KMT2A: variants seen among roughly 807,000 people sequenced by gnomAD.
KMT2A encodes histone-lysine N-methyltransferase 2A.
Under a neutral mutation model 345.3 loss-of-function variants are expected in KMT2A, and 16 were observed. That is an observed-to-expected ratio of 0.05 (90% CI 0.03 to 0.07). The LOEUF (loss-of-function observed/expected upper bound fraction) is 0.07, where lower values mean the gene tolerates loss of function less well. KMT2A is among the 10% of genes least tolerant of loss of function. The probability of loss-of-function intolerance (pLI) is 1.00; values close to 1 mark genes in which losing one functional copy is unlikely to be tolerated. For synonymous variants in KMT2A, 1,599 were observed against 1,778.6 expected (o/e 0.90, Z 2.54); for missense variants, 3,272 against 4,841.6 (o/e 0.68, Z 9.62).
Position 118,483,503 on chromosome 11 carries a change from A to G in KMT2A, c.4087-680A>G, listed in dbSNP as rs189627778. Among the ~76,000 whole-genome samples the G allele has an allele frequency of 2.7e-3, 415 of 152,308 alleles. 4 individuals are homozygous for G. Among genetic ancestry groups the G allele is most frequent in the African/African-American group, 9.3e-3 (387 of 41,576 alleles). On this transcript the variant is annotated intron_variant, in intron 8 of 35. Coordinates refer to ENST00000534358, the MANE Select transcript of KMT2A (RefSeq NM_001197104.2). ...AGCCGAGATCGCGCCACTGCACTCC[A>G]GCTTGGGTGACACCGAGACTCCGTC...
At position 118,524,698 on chromosome 11, in the gene KMT2A, ATTTTT is replaced by A. The variant is rs566548407; in HGVS notation, c.*2530_*2534del. ...TTTTTTTGTAAATCCTTGTATTCCT[ATTTTT>A]TTTAAAGAAAAAAAAAAAACCTTAA... is the stretch of plus-strand genomic sequence containing the variant. On this transcript the variant is annotated 3_prime_UTR_variant, in exon 36 of 36. Transcript: ENST00000534358. 9.3e-4 allele frequency: 159 copies of A among 171,860 alleles called. 1 individual carries two copies. The highest frequency in any genetic ancestry group is 1.6e-3 in the Non-Finnish European group (131 of 81,120). 10.6% of individuals were successfully genotyped at this position (171,860 alleles called of 1,614,324 possible).
chr11:118,436,928 G>T lies in KMT2A; in HGVS notation c.416G>T (p.Gly139Val). The change falls in exon 1 of 36, where the codon GGA becomes GTA. Residue 139 changes from glycine (G) to valine (V), a missense_variant. Transcript: ENST00000534358. This position sits in a 1 kb window ranked among gnomAD's most constrained non-coding sequence, Gnocchi z 6.9. ...FRAVFGESGG[G>V]GGSGEDEQFL... ...GCCGTGTTTGGGGAGAGCGGCGGGG[G>T]AGGCGGCAGCGGAGAGGTAAGGGGG... The T allele has an allele frequency of 6.5e-7, 1 of 1,546,318 alleles. No homozygotes were observed. Among genetic ancestry groups the T allele is most frequent in the African/African-American group, 1.4e-5 (1 of 72,440 alleles).
chr11:118,472,151 G>C lies in KMT2A; in HGVS notation c.992G>C (p.Arg331Pro), dbSNP rs148514018. 7.4e-6 allele frequency: 12 copies of C among 1,613,852 alleles called. No individual in the cohort carries two copies. The highest frequency in any genetic ancestry group is 1.0e-5 in the Non-Finnish European group (12 of 1,180,006). The change falls in exon 3 of 36, where the codon CGG becomes CCG. Residue 331 changes from arginine (R) to proline (P), a missense_variant. Around this residue, in one of 27 missense-constraint regions of KMT2A, gnomAD observed 412 missense variants for 511.0 expected, o/e 0.81. Coordinates refer to ENST00000534358, the MANE Select transcript of KMT2A (RefSeq NM_001197104.2). ...GAACTGGAAAAGCCCCAGAAAGTCC[G>C]GAAAGACAAGGAAGGAACACCTCCA... is the stretch of plus-strand genomic sequence containing the variant. ...NSELEKPQKV[R>P]KDKEGTPPLT...
At position 118,502,908 on chromosome 11, in the gene KMT2A, A is replaced by G; in HGVS notation, c.7016A>G (p.His2339Arg). The change falls in exon 27 of 36, where the codon CAT becomes CGT. Residue 2339 changes from histidine to arginine, a missense_variant. His to Arg is a conservative substitution (Grantham distance 29). Transcript: ENST00000534358. This position sits in a 1 kb window ranked among gnomAD's most constrained non-coding sequence, Gnocchi z 4.9. ...ATTCCTAAACTGGCCCCACAGGTTC[A>G]TAACACAACATCTAGAGAACTGAAT... Reference protein sequence around the residue: ...PGIPKLAPQVHNTTSRELNVS... With the variant: ...PGIPKLAPQVRNTTSRELNVS... 3 of 1,614,210 alleles carry G rather than the reference A, an allele frequency of 1.9e-6. No individual in the cohort carries two copies. Among genetic ancestry groups the G allele is most frequent in the Non-Finnish European group, 2.5e-6 (3 of 1,180,034 alleles).
In KMT2A at chr11:118,478,352, G is replaced by A. The variant is rs146486605; in HGVS notation, c.3569+151G>A. The A allele has an allele frequency of 5.0e-3, 3,110 of 627,926 alleles. 12 individuals carry two copies. The highest frequency in any genetic ancestry group is 6.8e-3 in the Non-Finnish European group (2,451 of 359,870). 38.9% of individuals were successfully genotyped at this position (627,926 alleles called of 1,614,324 possible). A position where few individuals can be genotyped will look rare whatever the true frequency, so the allele number is the denominator to read the frequency against. On this transcript the variant is annotated intron_variant, in intron 5 of 35. Coordinates refer to ENST00000534358, the MANE Select transcript of KMT2A (RefSeq NM_001197104.2). ...ACAGTTAGATTTTGTGGTGTGGGCT[G>A]TGCTTAAATAAGAAATACTCTGGGG...
At chr11:118,443,499 A>G (rs151249834) in intron 1 of KMT2A, among the ~76,000 whole-genome samples, 176 of 152,330 alleles carry the variant, frequency 1.2e-3, no homozygotes, top group Admixed American at 3.6e-3. Flanking sequence ...TGAAAGAAGA[A>G]TTTTGTTACG....
chr11:118,512,105 G>GAA, intron 31 of KMT2A, 80 bp downstream of exon 31: 1 of 1,324,002 alleles, frequency 7.6e-7, no homozygotes, highest in Non-Finnish European at 1.1e-6. Context: ...TTGATTCTGT[G>GAA]AAAAAAAAAT....
intron 1 of KMT2A, chr11:118,448,174 TAAAC>T (rs1175876997): frequency 3.3e-5 from 5 of 152,446 alleles, no homozygotes; most frequent in African/African-American, 1.2e-4. Flanking sequence ...AGAGAAATCT[TAAAC>T]ATCAAGAGAA....
chr11:118,488,423 T>C (rs1342504320), intron 10 of KMT2A, 191 bp from the exon 11 acceptor site: 2 of 662,108 alleles, frequency 3.0e-6, no homozygotes, highest in Admixed American at 4.4e-5. Flanking sequence ...GTATTACCAC[T>C]TTAGTACTCT....
chr11:118,497,471 C>T lies in KMT2A; in HGVS notation c.5665-465C>T, dbSNP rs9332825. 9.1e-4 allele frequency among the ~76,000 whole-genome samples: 138 copies of T among 152,320 alleles called. 1 individual carries two copies. The Middle Eastern group carries it at 0.01, about 11-fold the overall frequency. On this transcript the variant is annotated intron_variant, in intron 20 of 35. Coordinates refer to ENST00000534358, the MANE Select transcript of KMT2A (RefSeq NM_001197104.2). This position sits in a 1 kb window ranked among gnomAD's most constrained non-coding sequence, Gnocchi z 4.8. ...AGTACAGTGGCATGCTTTTGGCTCA[C>T]TGCAATCTCGGCTTCCGGGGCTCAA...
At chr11:118,441,518 T>C (rs1479621463) in intron 1 of KMT2A, among the ~76,000 whole-genome samples, 1 of 152,172 alleles carries the variant, frequency 6.6e-6, no homozygotes, top group Non-Finnish European at 1.5e-5. Flanking sequence ...GTTGTCATTG[T>C]TGTGAATTCC....
Position 118,472,989 on chromosome 11 carries a change from T to G in KMT2A, c.1830T>G (p.Ser610=). ...STAPMQGKRK[S]ILREPTFRWT... is the part of the protein sequence containing the mutation. The stretch of plus-strand genomic sequence containing the variant: ...CTCCTATGCAAGGGAAGCGAAAATC[T>G]ATTTTGCGAGAACCGACATTTAGGT... The change falls in exon 3 of 36, where the codon TCT becomes TCG. Residue 610 remains serine, a synonymous_variant. Coordinates refer to ENST00000534358, the MANE Select transcript of KMT2A (RefSeq NM_001197104.2). 1.2e-6 allele frequency: 2 copies of G among 1,614,178 alleles called. No individual in the cohort carries two copies. Among genetic ancestry groups the G allele is most frequent in the Non-Finnish European group, 1.7e-6 (2 of 1,180,034 alleles).
intron 1 of KMT2A, among the ~76,000 whole-genome samples, chr11:118,459,848 G>A (rs1398633923): frequency 2.1e-5 from 3 of 141,416 alleles, no homozygotes; most frequent in Non-Finnish European, 3.0e-5. Context: ...TACCACGCCC[G>A]GCTAATTTTT....
chr11:118,511,918 T>G, intron 30 of KMT2A, 33 bp from the exon 31 acceptor site: 2 of 1,583,564 alleles, frequency 1.3e-6, no homozygotes, highest in Non-Finnish European at 1.7e-6. Flanking sequence ...GTGCATATTT[T>G]CTGGCTTACG....
intron 1 of KMT2A, among the ~76,000 whole-genome samples, chr11:118,446,489 C>G (rs1246550156): frequency 1.3e-5 from 2 of 152,178 alleles, no homozygotes; most frequent in Admixed American, 1.3e-4. Flanking sequence ...AGTGGCAGGG[C>G]TAGAATTTAA....
intron 1 of KMT2A, among the ~76,000 whole-genome samples, chr11:118,442,181 T>G (rs1334691944): frequency 6.6e-6 from 1 of 152,230 alleles, no homozygotes; most frequent in Non-Finnish European, 1.5e-5. Context: ...ATATCTTGTC[T>G]CTTTCCATTC....
In KMT2A at chr11:118,502,463, C is replaced by A. The variant is rs200497972; in HGVS notation, c.6571C>A (p.Arg2191=). 1.3e-4 allele frequency: 217 copies of A among 1,613,794 alleles called. No homozygotes were observed. The highest frequency in any genetic ancestry group is 1.7e-4 in the Non-Finnish European group (203 of 1,179,892). ...TGATCCTTTACTCTCCTCTGGACTT[C>A]GAAGCATTGGCTCCAGGCGTCACAG... The part of the protein sequence containing the change: ...VGDPLLSSGL[R]SIGSRRHSTS... Residue 2191 remains arginine, a synonymous_variant, in exon 27 of 36, where the codon CGA becomes AGA. Coordinates refer to ENST00000534358, the MANE Select transcript of KMT2A (RefSeq NM_001197104.2). This position sits in a 1 kb window ranked among gnomAD's most constrained non-coding sequence, Gnocchi z 4.9.
chr11:118,504,720 C>A lies in KMT2A; in HGVS notation c.8828C>A (p.Thr2943Asn). 6.2e-7 allele frequency: 1 copy of A among 1,614,172 alleles called. No homozygotes were observed. Among genetic ancestry groups the A allele is most frequent in the Non-Finnish European group, 8.5e-7 (1 of 1,180,038 alleles). Residue 2943 changes from threonine (T) to asparagine (N), a missense_variant, in exon 27 of 36, where the codon ACT (threonine) becomes AAT (asparagine). Thr to Asn is a moderately conservative substitution (Grantham distance 65, BLOSUM62 0). Transcript: ENST00000534358. The surrounding 1 kb of genome is among the most constrained non-coding windows in gnomAD (Gnocchi z 6.4). Reference sequence around the variant, plus strand: ...TCTGTCTTGACCACCCGGAGTCCCACTGTCCCCAGCCAGAATCCCAGTAGA... The same window carrying A: ...TCTGTCTTGACCACCCGGAGTCCCAATGTCCCCAGCCAGAATCCCAGTAGA... Reference protein sequence around the residue: ...DLSVLTTRSPTVPSQNPSRLA... With the variant: ...DLSVLTTRSPNVPSQNPSRLA...
Position 118,484,337 on chromosome 11 carries a change from A to G in KMT2A, c.4218+23A>G. Reference sequence around the variant, plus strand: ...AAGGTAAAGGTGTTCAGTGATCATAAAGTATATTGAGTGTCAAAGACTTTA... The same window carrying G: ...AAGGTAAAGGTGTTCAGTGATCATAGAGTATATTGAGTGTCAAAGACTTTA... On this transcript the variant is annotated intron_variant, in intron 9 of 35. Transcript: ENST00000534358. The surrounding 1 kb of genome is among the most constrained non-coding windows in gnomAD (Gnocchi z 4.1). The G allele has an allele frequency of 1.9e-6, 3 of 1,612,074 alleles. No homozygotes were observed. The highest frequency in any genetic ancestry group is 2.5e-6 in the Non-Finnish European group (3 of 1,178,862).
Sources: allele counts gnomAD v4.1 joint callset (sites outside exome capture counted in the v4.1 genomes callset), GRCh38; gene constraint gnomAD v4.1.1; regional missense constraint gnomAD v4.1.1; non-coding constraint Gnocchi (gnomAD v3.1); transcripts MANE v1.5; gene names NCBI Gene and HGNC (gene_info 2026-07-23, HGNC 2026-07-21).